Variants in ATF6 observed in about 807,000 individuals in gnomAD.
ATF6 encodes the protein cyclic AMP-dependent transcription factor ATF-6 alpha.
Under a neutral mutation model 83.6 loss-of-function variants are expected in ATF6, and 53 were observed. The ratio of observed to expected loss-of-function variants is 0.63; its 90% CI spans 0.51 to 0.80. ATF6 has a LOEUF of 0.80. ATF6 is among the 30% of genes least tolerant of loss of function. The pLI, the probability that ATF6 is intolerant of heterozygous loss-of-function variation, is 0.00. For missense variants in ATF6, 744 were observed against 797.9 expected, an observed-to-expected ratio of 0.93 and a Z score of 0.81; for synonymous variants, 288 against 285.8, an observed-to-expected ratio of 1.01 and a Z score of -0.08.
At chr1:161,784,849 G>T (rs1188129922) in intron 4 of ATF6, among the ~76,000 whole-genome samples, 1 of 152,128 alleles carries the variant, frequency 6.6e-6, no homozygotes, top group East Asian at 1.9e-4. Flanking sequence ...TAAGTCAATA[G>T]GATTTTAACT....
intron 14 of ATF6, among the ~76,000 whole-genome samples, chr1:161,876,501 T>A (rs1033860878): frequency 2.2e-4 from 33 of 152,056 alleles, no homozygotes; most frequent in African/African-American, 7.5e-4. Context: ...TCCAGTATGA[T>A]AAGCTGTAAT....
chr1:161,829,322 C>A (rs1448207430), intron 9 of ATF6, among the ~76,000 whole-genome samples: 8 of 150,548 alleles, frequency 5.3e-5, no homozygotes, highest in Non-Finnish European at 1.0e-4. Context: ...GACTTTAACA[C>A]CCCACTGTCA....
chr1:161,885,744 A>G (rs767647828), intron 14 of ATF6, among the ~76,000 whole-genome samples: 8 of 152,144 alleles, frequency 5.3e-5, no homozygotes, highest in Non-Finnish European at 7.4e-5. Flanking sequence ...ACTTACTGTT[A>G]CCAGGCACTG....
intron 9 of ATF6, among the ~76,000 whole-genome samples, chr1:161,832,636 A>G (rs12033716): frequency 0.14 from 21,601 of 152,212 alleles, 2,094 homozygotes; most frequent in East Asian, 0.31. Context: ...AGGGTCCTAC[A>G]CCCACAGAGC....
intron 7 of ATF6, among the ~76,000 whole-genome samples, chr1:161,805,497 A>G (rs920330219): frequency 2.0e-5 from 3 of 152,052 alleles, no homozygotes; most frequent in Admixed American, 6.6e-5. Flanking sequence ...TTTTTTTGGT[A>G]GAAATTTTGA....
At position 161,781,925 on chromosome 1, in the gene ATF6, ATAATCT is replaced by A; in HGVS notation, c.175_180del (p.Asn59_Leu60del). 6.2e-7 allele frequency: 1 copy of A among 1,608,474 alleles called. No individual in the cohort carries two copies. The highest frequency in any genetic ancestry group is 8.5e-7 in the Non-Finnish European group (1 of 1,177,360). On this transcript the variant is annotated inframe_deletion, in exon 3 of 16. Transcript: ENST00000367942. ...TGAAACCTACAGGAAAACAATTTTG[ATAATCT>A]TGATTTTGATTTGGATTTGATGCCT...
At chr1:161,780,029 C>T (rs1684597872) in intron 2 of ATF6, among the ~76,000 whole-genome samples, 1 of 152,104 alleles carries the variant, frequency 6.6e-6, no homozygotes, top group Non-Finnish European at 1.5e-5. Flanking sequence ...TGAGCCACCA[C>T]ACCTGGCTAA....
Position 161,959,821 on chromosome 1 carries a change from C to T in ATF6, c.*1167C>T, listed in dbSNP as rs1689058671. ...TCTCTACTAATCTGGTCCAGGTCCT[C>T]ATGGACCACAGGACAAAGCTTTCAT... is the stretch of plus-strand genomic sequence containing the variant. On this transcript the variant is annotated 3_prime_UTR_variant, in exon 16 of 16. Coordinates refer to ENST00000367942, the MANE Select transcript of ATF6 (RefSeq NM_007348.4). 6.6e-6 allele frequency: 1 copy of T among 152,182 alleles called. No homozygotes were observed. Among genetic ancestry groups the T allele is most frequent in the African/African-American group, 2.4e-5 (1 of 41,446 alleles). 9.4% of individuals were successfully genotyped at this position (152,182 alleles called of 1,614,324 possible). A position where few individuals can be genotyped will look rare whatever the true frequency, so the allele number is the denominator to read the frequency against.
chr1:161,826,469 G>T (rs1183759681), intron 9 of ATF6, among the ~76,000 whole-genome samples: 1 of 152,172 alleles, frequency 6.6e-6, no homozygotes, highest in Non-Finnish European at 1.5e-5. Flanking sequence ...AAAGGAGTTA[G>T]TAGAAAGAGG....
chr1:161,790,440 TAAA>T (rs767366495), intron 4 of ATF6, among the ~76,000 whole-genome samples: 4 of 152,190 alleles, frequency 2.6e-5, no homozygotes, highest in African/African-American at 4.8e-5. Flanking sequence ...CACTGAATAT[TAAA>T]AGACTTTGGG....
At chr1:161,828,552 C>G (rs1685962212) in intron 9 of ATF6, among the ~76,000 whole-genome samples, 1 of 152,112 alleles carries the variant, frequency 6.6e-6, no homozygotes, top group Non-Finnish European at 1.5e-5. Flanking sequence ...GCCAGAACTT[C>G]CAAAGAATGA....
At chr1:161,875,011 T>A (rs1687183234) in intron 14 of ATF6, among the ~76,000 whole-genome samples, 1 of 151,746 alleles carries the variant, frequency 6.6e-6, no homozygotes, top group African/African-American at 2.4e-5. Flanking sequence ...CTCAAACTTT[T>A]TGGTTTCCAC....
intron 15 of ATF6, among the ~76,000 whole-genome samples, chr1:161,927,368 G>A (rs921170082): frequency 2.6e-5 from 4 of 152,066 alleles, no homozygotes; most frequent in South Asian, 4.2e-4. Flanking sequence ...AGGGTCTCAC[G>A]GTGTTGCCCA....
At chr1:161,786,188 T>A (rs943319437) in intron 4 of ATF6, among the ~76,000 whole-genome samples, 22 of 152,168 alleles carry the variant, frequency 1.4e-4, no homozygotes, top group African/African-American at 5.1e-4. Flanking sequence ...TTTCACCATG[T>A]TGGCCAGGCT....
chr1:161,810,125 A>G (rs1262300261), intron 7 of ATF6, among the ~76,000 whole-genome samples: 1 of 152,200 alleles, frequency 6.6e-6, no homozygotes, highest in Non-Finnish European at 1.5e-5. Context: ...GTGTTTCCAT[A>G]ATCAGCATCC....
intron 9 of ATF6, among the ~76,000 whole-genome samples, chr1:161,839,237 G>A (rs1449249267): frequency 6.6e-6 from 1 of 152,202 alleles, no homozygotes; most frequent in African/African-American, 2.4e-5. Flanking sequence ...ATTCTAACAA[G>A]AAGAGAGACA....
chr1:161,866,967 C>A lies in ATF6; in HGVS notation c.1719+3655C>A, dbSNP rs570318202. On this transcript the variant is annotated intron_variant, in intron 14 of 15. Transcript: ENST00000367942. ...GTCTCACTTTGTTGCCCAGGCTTGT[C>A]TTGAACTCCTGGACTCAATAATGCT... is the stretch of plus-strand genomic sequence containing the variant. Among the ~76,000 whole-genome samples, 22 of 152,230 alleles carry A rather than the reference C, an allele frequency of 1.4e-4. No individual in the cohort carries two copies. The South Asian group carries it at 4.6e-3, about 32-fold the overall frequency.
chr1:161,885,864 A>G lies in ATF6; in HGVS notation c.1719+22552A>G, dbSNP rs1179334580. Among the ~76,000 whole-genome samples the G allele has an allele frequency of 2.0e-5, 3 of 152,208 alleles. No individual in the cohort carries two copies. The East Asian group carries it at 5.8e-4, about 29-fold the overall frequency. ...ATCCAAAATTTCATACTGGGATAGG[A>G]ACTATAAAAGAGACATCCTGCAGAA... On this transcript the variant is annotated intron_variant, in intron 14 of 15. Coordinates refer to ENST00000367942, the MANE Select transcript of ATF6 (RefSeq NM_007348.4).
chr1:161,815,833 G>A (rs10918004), intron 7 of ATF6, among the ~76,000 whole-genome samples: 14,715 of 152,152 alleles, frequency 0.097, 1,272 homozygotes, highest in East Asian at 0.31. Context: ...CCAGCTACTG[G>A]GGAGCCTGAG....
Sources: gnomAD v4.1 joint callset for allele counts (sites outside exome capture counted in the v4.1 genomes callset) on GRCh38, gnomAD v4.1.1 for gene constraint, MANE v1.5 for transcripts, NCBI Gene and HGNC (gene_info 2026-07-23, HGNC 2026-07-21) for gene names.